The following SFMBT2 variants were observed in gnomAD, a reference collection of about 807,000 sequenced individuals.
The protein encoded by SFMBT2 is Scm like with four mbt domains 2, also known as scm-like with four MBT domains protein 2.
In SFMBT2, 38 loss-of-function variants were observed where a neutral mutation model predicts 110.1. The observed-to-expected ratio is 0.35, with a 90% CI of 0.27 to 0.45. The LOEUF is 0.45. SFMBT2 is among the 20% of genes least tolerant of loss of function. The probability of loss-of-function intolerance (pLI) is 1.00; values close to 1 mark genes in which losing one functional copy is unlikely to be tolerated. For synonymous variants in SFMBT2, 425 were observed against 425.4 expected (o/e 1.00, Z 0.01); for missense variants, 1,011 against 1,094.9 (o/e 0.92, Z 1.08).
chr10:7,236,811 A>G (rs1840272117), intron 9 of SFMBT2, among the ~76,000 whole-genome samples: 1 of 152,390 alleles, frequency 6.6e-6, no homozygotes, highest in Admixed American at 6.5e-5. Context: ...GCCATTAAAA[A>G]AAACCATTAA....
At chr10:7,347,634 T>C (rs1844159822) in intron 4 of SFMBT2, among the ~76,000 whole-genome samples, 1 of 152,152 alleles carries the variant, frequency 6.6e-6, no homozygotes, top group Non-Finnish European at 1.5e-5. Context: ...GTAGGTAGCG[T>C]AGAAAGATGC....
In SFMBT2 at chr10:7,202,183, A is replaced by T. The variant is rs568241781; in HGVS notation, c.1487+297T>A. The T allele has an allele frequency of 1.4e-3, 334 of 244,248 alleles. 2 individuals are homozygous for T. The highest frequency in any genetic ancestry group is 6.4e-4 in the Non-Finnish European group (97 of 151,624). The allele number at this position is 244,248 out of a possible 1,614,324, so 15.1% of individuals were successfully genotyped here. A position where few individuals can be genotyped will look rare whatever the true frequency, so the allele number is the denominator to read the frequency against. Reference sequence around the variant, plus strand: ...GGGGCCCCTGCAGACGCTGAGAACTATAGACACAGACAGCGATTTCTCTCA... The same window carrying T: ...GGGGCCCCTGCAGACGCTGAGAACTTTAGACACAGACAGCGATTTCTCTCA... On this transcript the variant is annotated intron_variant, in intron 13 of 20. Transcript: ENST00000397167.
At chr10:7,236,213 A>G (rs949475609) in intron 9 of SFMBT2, among the ~76,000 whole-genome samples, 1 of 152,172 alleles carries the variant, frequency 6.6e-6, no homozygotes. Context: ...TAAAAAGATA[A>G]TATAAGAAAA....
intron 7 of SFMBT2, among the ~76,000 whole-genome samples, chr10:7,272,540 A>G (rs909936926): frequency 6.6e-6 from 1 of 152,076 alleles, no homozygotes. Flanking sequence ...GACGCCCCCC[A>G]CAGCCTCCCT....
chr10:7,176,143 C>T lies in SFMBT2; in HGVS notation c.1831G>A (p.Ala611Thr), dbSNP rs565583898. 36 of 1,614,158 alleles carry T rather than the reference C, an allele frequency of 2.2e-5. No homozygotes were observed. In the South Asian group the frequency reaches 3.6e-4, roughly 16 times the overall value. ...KAKYRGKTYR[A>T]VVKIVRTSDQ... ...GATGTCCGTACGATTTTGACCACAG[C>T]CCTGTATGTTTTGCCTCTGTATCTA... is the stretch of plus-strand genomic sequence containing the variant. The change falls in exon 17 of 21, where the codon GCT (alanine) becomes ACT (threonine). Residue 611 changes from alanine (A) to threonine (T), a missense_variant. Coordinates refer to ENST00000397167, the MANE Select transcript of SFMBT2 (RefSeq NM_001387889.1).
chr10:7,316,718 T>C (rs1488540483), intron 4 of SFMBT2, among the ~76,000 whole-genome samples: 1 of 152,232 alleles, frequency 6.6e-6, no homozygotes, highest in East Asian at 1.9e-4. Flanking sequence ...GAGGTTCCCC[T>C]TTCTGGCCTG....
chr10:7,188,152 A>G (rs1029202681), intron 16 of SFMBT2, among the ~76,000 whole-genome samples: 9 of 152,196 alleles, frequency 5.9e-5, no homozygotes, highest in Non-Finnish European at 1.2e-4. Flanking sequence ...TTTTGCTGCC[A>G]TTTACTTAAC....
intron 15 of SFMBT2, among the ~76,000 whole-genome samples, chr10:7,191,281 C>G (rs1032003457): frequency 1.3e-5 from 2 of 152,240 alleles, no homozygotes; most frequent in African/African-American, 2.4e-5. Context: ...TGGGGCTTTT[C>G]TGTGTCCACA....
chr10:7,351,850 C>T (rs190165147), intron 4 of SFMBT2, among the ~76,000 whole-genome samples: 1 of 148,964 alleles, frequency 6.7e-6, no homozygotes, highest in East Asian at 1.9e-4. Flanking sequence ...TTGTCAAGGC[C>T]TATTAAAGCC....
intron 4 of SFMBT2, among the ~76,000 whole-genome samples, chr10:7,332,525 C>T (rs1439235582): frequency 1.3e-5 from 2 of 152,116 alleles, no homozygotes; most frequent in East Asian, 1.9e-4. Flanking sequence ...TATTTATTTG[C>T]GCTTGTAAAA....
At chr10:7,244,107 C>A in intron 8 of SFMBT2, 1 of 639,276 alleles carries the variant, frequency 1.6e-6, no homozygotes, top group Non-Finnish European at 1.9e-6. Context: ...AAACTCTTTA[C>A]ACCAGATCAC....
intron 16 of SFMBT2, among the ~76,000 whole-genome samples, chr10:7,177,087 A>ACCCCCT (rs891658655): frequency 1.3e-5 from 2 of 151,730 alleles, no homozygotes; most frequent in Admixed American, 6.6e-5. Context: ...CCCCCCAGCA[A>ACCCCCT]CCCCCTCCAT....
chr10:7,179,642 A>G (rs1444949111), intron 16 of SFMBT2, among the ~76,000 whole-genome samples: 1 of 152,226 alleles, frequency 6.6e-6, no homozygotes, highest in Non-Finnish European at 1.5e-5. Context: ...CGCAGGAGAA[A>G]TGTGCAAGCC....
rs71382101 is a variant in SFMBT2, at chr10:7,342,396, CTTT to C, written c.436+25250_436+25252del. On this transcript the variant is annotated intron_variant, in intron 4 of 20. Transcript: ENST00000397167. ...ATTTAGGAATTGCACTGGAGTGAGT[CTTT>C]TTTTTTTTTTTTTTTTTTTTTTTTT... Among the ~76,000 whole-genome samples the C allele has an allele frequency of 2.1e-3, 147 of 69,648 alleles. 2 individuals carry two copies. The highest frequency in any genetic ancestry group is 0.013 in the Middle Eastern group (1 of 78). 45.7% of individuals were successfully genotyped at this position (69,648 alleles called of 152,430 possible).
chr10:7,224,160 G>T (rs1351595681), intron 10 of SFMBT2, among the ~76,000 whole-genome samples: 2 of 152,074 alleles, frequency 1.3e-5, no homozygotes, highest in Admixed American at 6.5e-5. Flanking sequence ...TTATGTTGTG[G>T]CGACTCTGGA....
chr10:7,346,990 A>G (rs1177787776), intron 4 of SFMBT2, among the ~76,000 whole-genome samples: 4 of 118,458 alleles, frequency 3.4e-5, no homozygotes, highest in African/African-American at 1.6e-4. Flanking sequence ...ACTCTGTCTC[A>G]AAACAAAACA....
At chr10:7,370,550 TAAAG>T (rs1180565065) in intron 2 of SFMBT2, among the ~76,000 whole-genome samples, 175 bp from the exon 3 acceptor site, 2 of 152,198 alleles carry the variant, frequency 1.3e-5, no homozygotes, top group African/African-American at 4.8e-5. Flanking sequence ...AAGTGTTGAC[TAAAG>T]AAAGGAAAAC....
chr10:7,342,145 A>T (rs1843927202), intron 4 of SFMBT2, among the ~76,000 whole-genome samples: 1 of 152,098 alleles, frequency 6.6e-6, no homozygotes, highest in Non-Finnish European at 1.5e-5. Flanking sequence ...TCCAAGTGAA[A>T]CAACCCAAAT....
chr10:7,377,902 A>C (rs1309349948), intron 2 of SFMBT2, among the ~76,000 whole-genome samples: 1 of 142,830 alleles, frequency 7.0e-6, no homozygotes, highest in African/African-American at 2.6e-5. Context: ...CACGGGAGGA[A>C]AGAGTAGGAA....
Sources: gnomAD v4.1 joint callset for allele counts (sites outside exome capture counted in the v4.1 genomes callset) on GRCh38, gnomAD v4.1.1 for gene constraint, MANE v1.5 for transcripts, NCBI Gene and HGNC (gene_info 2026-07-23, HGNC 2026-07-21) for gene names.